ACSL3: variants seen among roughly 807,000 people sequenced by gnomAD.
ACSL3 encodes the protein fatty acid CoA ligase Acsl3.
In ACSL3, 34 loss-of-function variants were observed where a neutral mutation model predicts 84.7. The ratio of observed to expected loss-of-function variants is 0.40; its 90% confidence interval spans 0.31 to 0.53. The LOEUF (loss-of-function observed/expected upper bound fraction) is 0.53. Ranked by LOEUF, ACSL3 falls within the 20% of genes least tolerant of loss-of-function variation. ACSL3 has a pLI of 0.48. For missense variants in ACSL3, 680 were observed against 873.1 expected (o/e 0.78, Z 2.79); for synonymous variants, 315 against 299.4 (o/e 1.05, Z -0.54).
intron 1 of ACSL3, among the ~76,000 whole-genome samples, chr2:222,883,032 T>C (rs1260052325): frequency 1.3e-5 from 2 of 151,978 alleles, no homozygotes; most frequent in African/African-American, 4.8e-5. Flanking sequence ...CTTTCCAAAG[T>C]GCTGGGATTA....
At chr2:222,919,259 A>G (rs1696667255) in intron 7 of ACSL3, 57 bp downstream of exon 7, 20 of 1,577,488 alleles carry the variant, frequency 1.3e-5, no homozygotes, top group Non-Finnish European at 1.7e-5. Flanking sequence ...CATTCTCCAG[A>G]ATTATGCCAA....
At chr2:222,887,423 C>G (rs891874999) in intron 1 of ACSL3, among the ~76,000 whole-genome samples, 9 of 152,140 alleles carry the variant, frequency 5.9e-5, no homozygotes, top group African/African-American at 2.2e-4. Flanking sequence ...ATATTTTCAA[C>G]TCTTTTGGGT....
chr2:222,941,824 A>ACTTGTGT lies in ACSL3; in HGVS notation c.*173_*179dup, dbSNP rs1697320052. ...GATTAGTAAAACATTAAGACAGCAA[A>ACTTGTGT]CTTGTGTCTGTCTCTTCTTTCATTT... On this transcript the variant is annotated 3_prime_UTR_variant, in exon 17 of 17. Coordinates refer to ENST00000357430, the MANE Select transcript of ACSL3 (RefSeq NM_004457.5). 1 of 633,878 alleles carries ACTTGTGT rather than the reference A, an allele frequency of 1.6e-6. No homozygotes were observed. The highest frequency in any genetic ancestry group is 1.9e-5 in the African/African-American group (1 of 52,954). 39.3% of individuals were successfully genotyped at this position (633,878 alleles called of 1,614,324 possible).
rs1471473396 is a variant in ACSL3, at chr2:222,882,988, CG to C, written c.-206-4841del. ...TTCGCTGTGTTAGCCAGGATGGGCTCGAATCTCCTGACCTTGTGATCTGCCT... is the reference window on the plus strand; with the variant it reads ...TTCGCTGTGTTAGCCAGGATGGGCTCAATCTCCTGACCTTGTGATCTGCCT... On this transcript the variant is annotated intron_variant, in intron 1 of 16. Transcript: ENST00000357430. Among the ~76,000 whole-genome samples the C allele has an allele frequency of 3.2e-5, 3 of 94,754 alleles. No individual in the cohort carries two copies. The East Asian group carries it at 1.5e-3, about 46-fold the overall frequency. 62.2% of individuals were successfully genotyped at this position (94,754 alleles called of 152,430 possible).
chr2:222,884,634 C>T (rs922302667), intron 1 of ACSL3, among the ~76,000 whole-genome samples: 9 of 152,132 alleles, frequency 5.9e-5, no homozygotes, highest in Non-Finnish European at 1.5e-5. Flanking sequence ...CTCCTTCTGC[C>T]TCTCTATTTA....
intron 11 of ACSL3, among the ~76,000 whole-genome samples, chr2:222,925,193 C>G (rs923289906): frequency 3.3e-5 from 5 of 151,564 alleles, no homozygotes; most frequent in Non-Finnish European, 7.4e-5. Context: ...AAAAATTAGC[C>G]AGAGTGGTGG....
chr2:222,879,886 A>C (rs1695546965), intron 1 of ACSL3, among the ~76,000 whole-genome samples: 1 of 151,994 alleles, frequency 6.6e-6, no homozygotes, highest in Non-Finnish European at 1.5e-5. Context: ...AATAAAGACC[A>C]ATAATAAACC....
chr2:222,910,550 C>T (rs1052085034), intron 4 of ACSL3, among the ~76,000 whole-genome samples: 2 of 152,192 alleles, frequency 1.3e-5, no homozygotes, highest in Non-Finnish European at 2.9e-5. Context: ...TTAACCTCCT[C>T]TATATATGGC....
intron 1 of ACSL3, among the ~76,000 whole-genome samples, chr2:222,868,504 T>C (rs1313446699): frequency 6.6e-6 from 1 of 152,104 alleles, no homozygotes; most frequent in Admixed American, 6.5e-5. Context: ...GCCTTCTTTT[T>C]TGAAGCAGCA....
intron 3 of ACSL3, among the ~76,000 whole-genome samples, chr2:222,902,446 A>G (rs1696176806): frequency 6.6e-6 from 1 of 152,210 alleles, no homozygotes; most frequent in African/African-American, 2.4e-5. Context: ...AAATCCTTCA[A>G]TAAAATCATA....
chr2:222,940,711 C>T lies in ACSL3; in HGVS notation c.2006-786C>T, dbSNP rs150025407. On this transcript the variant is annotated intron_variant, in intron 16 of 16. Transcript: ENST00000357430. ...CTGTGCGGGTGTGTAGCCTAGGAGC[C>T]GTAGGCTAGATAATGCAGCCTAGAT... is the stretch of plus-strand genomic sequence containing the variant. Among the ~76,000 whole-genome samples the T allele has an allele frequency of 5.9e-3, 894 of 152,168 alleles. 5 individuals are homozygous for T. Among genetic ancestry groups the T allele is most frequent in the Admixed American group, 0.012 (179 of 15,280 alleles).
In ACSL3 at chr2:222,927,202, A is replaced by G. The variant is rs376134615; in HGVS notation, c.1465+13A>G. On this transcript the variant is annotated intron_variant, in intron 12 of 16. Transcript: ENST00000357430. ...ACAATTTCCGAAGGTAGTGTTCTCC[A>G]TGGTCAGAGGCTGGAGTGTGATGCC... 18 of 1,609,750 alleles carry G rather than the reference A, an allele frequency of 1.1e-5. No individual in the cohort carries two copies. In the African/African-American group the frequency reaches 1.5e-4, roughly 13 times the overall value.
intron 7 of ACSL3, 133 bp downstream of exon 7, chr2:222,919,335 C>T (rs1696670499): frequency 1.0e-6 from 1 of 962,952 alleles, no homozygotes; most frequent in Non-Finnish European, 1.5e-6. Context: ...GAAAACAGGT[C>T]CCTCTAGGTA....
At chr2:222,880,796 C>T (rs1024771492) in intron 1 of ACSL3, among the ~76,000 whole-genome samples, 1 of 149,856 alleles carries the variant, frequency 6.7e-6, no homozygotes, top group African/African-American at 2.5e-5. Context: ...CGCCACTGCA[C>T]TCCAGCCTGG....
At chr2:222,922,687 G>A in intron 8 of ACSL3, 21 bp from the exon 9 acceptor site, 1 of 1,613,102 alleles carries the variant, frequency 6.2e-7, no homozygotes, top group Non-Finnish European at 8.5e-7. Flanking sequence ...TTTTGTTTCT[G>A]ACGTCTCCCT....
chr2:222,919,038 C>T (rs773774619), intron 6 of ACSL3, 26 bp from the exon 7 acceptor site: 35 of 1,608,314 alleles, frequency 2.2e-5, no homozygotes, highest in Middle Eastern at 3.3e-4. Context: ...AAATAATGAA[C>T]GTGATGAATG....
chr2:222,922,000 C>T (rs889460847), intron 8 of ACSL3, among the ~76,000 whole-genome samples: 8 of 152,114 alleles, frequency 5.3e-5, no homozygotes, highest in Non-Finnish European at 8.8e-5. Flanking sequence ...CAAACATACA[C>T]GCACACACAC....
Position 222,885,249 on chromosome 2 carries a change from G to A in ACSL3, c.-206-2581G>A, listed in dbSNP as rs371506959. On this transcript the variant is annotated intron_variant, in intron 1 of 16. Coordinates refer to ENST00000357430, the MANE Select transcript of ACSL3 (RefSeq NM_004457.5). ...TTCCCCAGGGCATATTTGTCAAAAGGGATTGCTGGGTCATAGGAGTCTACA... is the reference window on the plus strand; with the variant it reads ...TTCCCCAGGGCATATTTGTCAAAAGAGATTGCTGGGTCATAGGAGTCTACA... Among the ~76,000 whole-genome samples, 583 of 152,200 alleles carry A rather than the reference G, an allele frequency of 3.8e-3. 2 individuals are homozygous for A. The highest frequency in any genetic ancestry group is 0.02 in the Middle Eastern group (6 of 294).
At chr2:222,861,480 T>A (rs1695005459) in intron 1 of ACSL3, 1 of 152,012 alleles carries the variant, frequency 6.6e-6, no homozygotes, top group African/African-American at 2.4e-5. Context: ...GCGGCTGACG[T>A]GGGGCCTCGG....
Sources: allele counts gnomAD v4.1 joint callset (sites outside exome capture counted in the v4.1 genomes callset), GRCh38; gene constraint gnomAD v4.1.1; transcripts MANE v1.5; gene names NCBI Gene and HGNC (gene_info 2026-07-23, HGNC 2026-07-21).